HCN1: variants seen among roughly 807,000 people sequenced by gnomAD.
HCN1 encodes the protein hyperpolarization activated cyclic nucleotide gated potassium channel 1.
In HCN1, 13 loss-of-function variants were observed where a neutral mutation model predicts 78.9. The ratio of observed to expected loss-of-function variants is 0.16; its 90% CI spans 0.11 to 0.26. The LOEUF (loss-of-function observed/expected upper bound fraction) is 0.26. Among genes scored for constraint, HCN1 ranks in the 10% least tolerant of loss-of-function variants. The probability of loss-of-function intolerance (pLI) is 1.00; values close to 1 mark genes in which losing one functional copy is unlikely to be tolerated. For synonymous variants in HCN1, 552 were observed against 455.5 expected (o/e 1.21, Z -2.70); for missense variants, 810 against 1,154.3 (o/e 0.70, Z 4.32).
chr5:45,544,931 G>C (rs547772223), intron 2 of HCN1, among the ~76,000 whole-genome samples: 58 of 152,226 alleles, frequency 3.8e-4, no homozygotes, highest in Non-Finnish European at 6.3e-4. Context: ...TGTCTTTATA[G>C]TAGCATGATT....
chr5:45,419,874 C>G (rs1227828877), intron 3 of HCN1, among the ~76,000 whole-genome samples: 1 of 152,210 alleles, frequency 6.6e-6, no homozygotes, highest in Admixed American at 6.5e-5. Flanking sequence ...ACATTCCACC[C>G]ACAACTTGGT....
At chr5:45,563,953 C>A (rs184055581) in intron 2 of HCN1, among the ~76,000 whole-genome samples, 1 of 152,118 alleles carries the variant, frequency 6.6e-6, no homozygotes, top group Non-Finnish European at 1.5e-5. Context: ...TCCAACTATG[C>A]CCATAGGTTA....
intron 4 of HCN1, among the ~76,000 whole-genome samples, chr5:45,362,657 G>C (rs1417238947): frequency 6.6e-6 from 1 of 152,032 alleles, no homozygotes. Flanking sequence ...CATAACAACA[G>C]TGTGAGATTG....
At chr5:45,336,098 A>G (rs1746448751) in intron 5 of HCN1, among the ~76,000 whole-genome samples, 1 of 151,962 alleles carries the variant, frequency 6.6e-6, no homozygotes, top group African/African-American at 2.4e-5. Flanking sequence ...GGCAAATAAG[A>G]GCATGTTAAG....
chr5:45,556,359 TATG>T, intron 2 of HCN1, among the ~76,000 whole-genome samples: 1 of 152,098 alleles, frequency 6.6e-6, no homozygotes, highest in East Asian at 1.9e-4. Context: ...AGTGAGAACC[TATG>T]ATAACATCCC....
At chr5:45,447,278 C>T (rs1740819301) in intron 3 of HCN1, among the ~76,000 whole-genome samples, 1 of 152,170 alleles carries the variant, frequency 6.6e-6, no homozygotes, top group Non-Finnish European at 1.5e-5. Context: ...GCGGCTCTGT[C>T]ACTTAGGGTG....
intron 4 of HCN1, among the ~76,000 whole-genome samples, chr5:45,375,128 A>T (rs1339664647): frequency 8.1e-6 from 1 of 122,872 alleles, no homozygotes; most frequent in Non-Finnish European, 1.6e-5. Flanking sequence ...TATTATATAT[A>T]ATATATTTTA....
intron 2 of HCN1, among the ~76,000 whole-genome samples, chr5:45,568,322 T>A (rs1457048680): frequency 6.6e-6 from 1 of 152,072 alleles, no homozygotes; most frequent in Non-Finnish European, 1.5e-5. Flanking sequence ...CAATTAATCT[T>A]CTTTAGATGA....
intron 1 of HCN1, among the ~76,000 whole-genome samples, chr5:45,676,691 A>G (rs983376079): frequency 4.0e-5 from 6 of 151,842 alleles, no homozygotes; most frequent in Admixed American, 3.3e-4. Context: ...ATGAATTATA[A>G]ATAAGTTCTA....
intron 4 of HCN1, among the ~76,000 whole-genome samples, chr5:45,382,922 A>ACTAC (rs1291244741): frequency 8.5e-5 from 13 of 152,306 alleles, no homozygotes; most frequent in African/African-American, 3.1e-4. Flanking sequence ...GAAAAATATA[A>ACTAC]CTACTACACT....
intron 5 of HCN1, among the ~76,000 whole-genome samples, chr5:45,341,648 T>C (rs565060726): frequency 6.6e-6 from 1 of 152,256 alleles, no homozygotes; most frequent in Admixed American, 6.5e-5. Flanking sequence ...TCTCTGTTAC[T>C]CAGGAGGTTG....
chr5:45,560,419 C>T (rs560646980), intron 2 of HCN1, among the ~76,000 whole-genome samples: 120 of 152,016 alleles, frequency 7.9e-4, no homozygotes, highest in African/African-American at 2.6e-3. Context: ...AATTTCTAAA[C>T]GGTCATATTT....
At chr5:45,347,863 T>C (rs973557053) in intron 5 of HCN1, among the ~76,000 whole-genome samples, 10 of 152,292 alleles carry the variant, frequency 6.6e-5, no homozygotes, top group African/African-American at 2.2e-4. Flanking sequence ...TATGGGATTA[T>C]ATGAAAAGAC....
At chr5:45,381,752 T>C (rs1747813301) in intron 4 of HCN1, among the ~76,000 whole-genome samples, 1 of 152,074 alleles carries the variant, frequency 6.6e-6, no homozygotes, top group South Asian at 2.1e-4. Context: ...GCCCAGACCA[T>C]CACATCTTCC....
intron 2 of HCN1, among the ~76,000 whole-genome samples, chr5:45,552,986 A>G (rs1466422883): frequency 4.6e-5 from 7 of 151,944 alleles, no homozygotes. Flanking sequence ...TTGCACCTCA[A>G]AATATGCCAT....
rs1376216169 is a variant in HCN1, at chr5:45,286,941, TTTA to T, written c.1618+16655_1618+16657del. On this transcript the variant is annotated intron_variant, in intron 6 of 7. Transcript: ENST00000303230. ...TTGCTGAACTGTTCTGACTGACAAT[TTTA>T]TTCTTCCCATGTAAGTAAATTCAGC... Among the ~76,000 whole-genome samples, 7 of 152,152 alleles carry T rather than the reference TTTA, an allele frequency of 4.6e-5. No homozygotes were observed. The East Asian group carries it at 1.4e-3, about 29-fold the overall frequency.
intron 2 of HCN1, among the ~76,000 whole-genome samples, chr5:45,634,729 T>G (rs2112016615): frequency 6.6e-6 from 1 of 152,168 alleles, no homozygotes; most frequent in South Asian, 2.1e-4. Flanking sequence ...TTAAAGATTA[T>G]CTAGAGCTAC....
At chr5:45,679,617 C>T (rs1032355048) in intron 1 of HCN1, among the ~76,000 whole-genome samples, 2 of 151,956 alleles carry the variant, frequency 1.3e-5, no homozygotes, top group African/African-American at 4.8e-5. Context: ...AGTCATGGAA[C>T]CATCTCAAGT....
At chr5:45,423,748 T>A (rs1740277140) in intron 3 of HCN1, among the ~76,000 whole-genome samples, 1 of 152,216 alleles carries the variant, frequency 6.6e-6, no homozygotes, top group Non-Finnish European at 1.5e-5. Flanking sequence ...TCGCAGTGCC[T>A]ACCTAGAATG....
Sources: gnomAD v4.1 joint callset for allele counts (sites outside exome capture counted in the v4.1 genomes callset) on GRCh38, gnomAD v4.1.1 for gene constraint, MANE v1.5 for transcripts, NCBI Gene and HGNC (gene_info 2026-07-23, HGNC 2026-07-21) for gene names.